DGKB: variants seen among roughly 807,000 people sequenced by gnomAD.
The protein encoded by DGKB is diacylglycerol kinase beta.
A neutral mutation model predicts 114.3 loss-of-function variants in DGKB; 67 were observed. The observed-to-expected ratio is 0.59, with a 90% CI of 0.48 to 0.72. The LOEUF (loss-of-function observed/expected upper bound fraction) is 0.72, where lower values mean the gene tolerates loss of function less well. DGKB is among the 30% of genes least tolerant of loss of function. The pLI, the probability that DGKB is intolerant of heterozygous loss-of-function variation, is 0.00. For synonymous variants in DGKB, 398 were observed against 323.1 expected (o/e 1.23, Z -2.49); for missense variants, 907 against 975.2 (o/e 0.93, Z 0.93).
intron 20 of DGKB, among the ~76,000 whole-genome samples, chr7:14,542,781 T>C (rs1285406403): frequency 6.6e-6 from 1 of 152,180 alleles, no homozygotes; most frequent in Non-Finnish European, 1.5e-5. Context: ...CACTTAGCAA[T>C]CGCATCCAGA....
At chr7:14,844,668 C>T (rs1358835176) in intron 1 of DGKB, among the ~76,000 whole-genome samples, 1 of 152,136 alleles carries the variant, frequency 6.6e-6, no homozygotes, top group East Asian at 1.9e-4. Flanking sequence ...TTCCCAAACC[C>T]CCTTGGTGTC....
chr7:14,503,147 A>G (rs1786469593), intron 20 of DGKB, among the ~76,000 whole-genome samples: 1 of 152,156 alleles, frequency 6.6e-6, no homozygotes, highest in African/African-American at 2.4e-5. Context: ...TGCTCAAAAA[A>G]TATGTTTCTT....
chr7:14,959,232 A>G (rs909112121), intron 1 of DGKB, among the ~76,000 whole-genome samples: 27 of 152,204 alleles, frequency 1.8e-4, no homozygotes, highest in African/African-American at 5.8e-4. Context: ...ATTTATTGAT[A>G]AGTTTATTTC....
intron 21 of DGKB, among the ~76,000 whole-genome samples, chr7:14,393,318 T>C (rs538235332): frequency 1.3e-5 from 2 of 152,250 alleles, no homozygotes; most frequent in East Asian, 1.9e-4. Flanking sequence ...AGCTTGTGTA[T>C]GTGTAACTGA....
chr7:14,336,943 G>A (rs1199175542), intron 23 of DGKB, among the ~76,000 whole-genome samples: 1 of 151,852 alleles, frequency 6.6e-6, no homozygotes, highest in African/African-American at 2.4e-5. Context: ...GTATTGAGAT[G>A]TAGTGACCAA....
In DGKB at chr7:14,539,737, C is replaced by G. The variant is rs62443518; in HGVS notation, c.1770+34475G>C. 5.4e-3 allele frequency among the ~76,000 whole-genome samples: 814 copies of G among 152,110 alleles called. 5 individuals are homozygous for G. The highest frequency in any genetic ancestry group is 0.017 in the Middle Eastern group (5 of 294). ...ATAAAGGCTTACACTTAGTATATGA[C>G]CTTTGCTCACCTTCACATTGTTGAT... On this transcript the variant is annotated intron_variant, in intron 20 of 25. Coordinates refer to ENST00000402815, the MANE Select transcript of DGKB (RefSeq NM_001350709.2).
intron 1 of DGKB, among the ~76,000 whole-genome samples, chr7:14,929,574 G>A (rs1344005170): frequency 6.6e-6 from 1 of 151,902 alleles, no homozygotes; most frequent in Non-Finnish European, 1.5e-5. Context: ...AAGATTATTT[G>A]TTTCGTTGTT....
chr7:14,762,562 A>G (rs930855654), intron 2 of DGKB, among the ~76,000 whole-genome samples: 1 of 152,188 alleles, frequency 6.6e-6, no homozygotes, highest in Admixed American at 6.6e-5. Context: ...ATGCAAATAG[A>G]TCATAAAAAG....
At chr7:14,510,721 A>C (rs1162787290) in intron 20 of DGKB, among the ~76,000 whole-genome samples, 1 of 152,156 alleles carries the variant, frequency 6.6e-6, no homozygotes, top group Non-Finnish European at 1.5e-5. Flanking sequence ...ATGAATCACT[A>C]TCTATGACAG....
intron 20 of DGKB, among the ~76,000 whole-genome samples, chr7:14,541,143 T>C (rs948071774): frequency 2.0e-5 from 3 of 151,842 alleles, no homozygotes; most frequent in African/African-American, 7.3e-5. Context: ...ATATGACAAG[T>C]GATGCCATGT....
chr7:14,820,149 T>C (rs780839135), intron 2 of DGKB, among the ~76,000 whole-genome samples: 1 of 152,184 alleles, frequency 6.6e-6, no homozygotes, highest in African/African-American at 2.4e-5. Flanking sequence ...CATCTAATGA[T>C]GCTTTATGGC....
chr7:14,881,249 T>A (rs902717676), intron 1 of DGKB, among the ~76,000 whole-genome samples: 5 of 152,192 alleles, frequency 3.3e-5, no homozygotes, highest in Admixed American at 3.3e-4. Flanking sequence ...AAGTTGAGCA[T>A]CTTTTCACAT....
chr7:14,837,417 T>C (rs1219910007), intron 2 of DGKB, among the ~76,000 whole-genome samples: 1 of 152,208 alleles, frequency 6.6e-6, no homozygotes, highest in Admixed American at 6.5e-5. Context: ...CTGGAATTGG[T>C]GTCCCATGAG....
chr7:14,864,118 A>T (rs1562756682), intron 1 of DGKB, among the ~76,000 whole-genome samples: 1 of 148,178 alleles, frequency 6.7e-6, no homozygotes, highest in African/African-American at 2.5e-5. Context: ...AAAAAAAAAA[A>T]GGGAACATTG....
At chr7:14,203,984 G>T (rs541726965) in intron 23 of DGKB, among the ~76,000 whole-genome samples, 2 of 151,822 alleles carry the variant, frequency 1.3e-5, no homozygotes, top group African/African-American at 2.4e-5. Context: ...CTCCCCCAGC[G>T]AATTAATTGC....
intron 25 of DGKB, among the ~76,000 whole-genome samples, chr7:14,161,036 A>C (rs1177512836): frequency 6.6e-6 from 1 of 152,250 alleles, no homozygotes; most frequent in Non-Finnish European, 1.5e-5. Context: ...GAAGACATTT[A>C]TGCAGCCAAC....
intron 23 of DGKB, among the ~76,000 whole-genome samples, chr7:14,331,582 T>C (rs562066416): frequency 2.0e-5 from 3 of 152,066 alleles, no homozygotes; most frequent in Non-Finnish European, 4.4e-5. Context: ...TTTTACAAGG[T>C]ATACAAAGTG....
At chr7:14,283,273 A>G (rs1800282509) in intron 23 of DGKB, among the ~76,000 whole-genome samples, 2 of 151,426 alleles carry the variant, frequency 1.3e-5, no homozygotes. Flanking sequence ...ATTGCTTTAA[A>G]GAGAATAAAA....
At chr7:14,497,863 C>A (rs1159302773) in intron 20 of DGKB, among the ~76,000 whole-genome samples, 1 of 151,846 alleles carries the variant, frequency 6.6e-6, no homozygotes, top group African/African-American at 2.4e-5. Flanking sequence ...TTCCACAATA[C>A]CCACTGAATA....
Sources: allele counts gnomAD v4.1 joint callset (sites outside exome capture counted in the v4.1 genomes callset), GRCh38; gene constraint gnomAD v4.1.1; transcripts MANE v1.5; gene names NCBI Gene and HGNC (gene_info 2026-07-23, HGNC 2026-07-21).